ENPP4: variants seen among roughly 807,000 people sequenced by gnomAD.
ENPP4 encodes the protein ectonucleotide pyrophosphatase/phosphodiesterase 4.
In ENPP4, 18 loss-of-function variants were observed where a neutral mutation model predicts 33.4. The ratio of observed to expected loss-of-function variants is 0.54; its 90% CI spans 0.37 to 0.80. The LOEUF (loss-of-function observed/expected upper bound fraction) is 0.80, where lower values mean the gene tolerates loss of function less well. ENPP4 is among the 30% of genes least tolerant of loss of function. ENPP4 has a pLI of 0.00. For missense variants in ENPP4, 480 were observed against 541.7 expected (o/e 0.89, Z 1.13); for synonymous variants, 172 against 189.9 (o/e 0.91, Z 0.78).
rs766053811 is a variant in ENPP4 at position 46,139,663 on chromosome 6, A to G, written c.80A>G (p.Lys27Arg). The G allele has an allele frequency of 1.2e-6, 2 of 1,611,120 alleles. No homozygotes were observed. The highest frequency in any genetic ancestry group is 1.7e-6 in the Non-Finnish European group (2 of 1,178,056). The change falls in exon 2 of 4, where the codon AAG becomes AGG. Residue 27 changes from lysine to arginine, a missense_variant. Coordinates refer to ENST00000321037, the MANE Select transcript of ENPP4 (RefSeq NM_014936.5). ...RSDSSSSLPP[K>R]LLLVSFDGFR... ...GACTCTTCCTCTAGTTTGCCACCTA[A>G]GTTACTACTAGTATCCTTTGATGGC... is the stretch of plus-strand genomic sequence containing the variant.
At position 46,141,095 on chromosome 6, in the gene ENPP4, T is replaced by G. The variant is rs373012220; in HGVS notation, c.870T>G (p.His290Gln). 2.5e-6 allele frequency: 4 copies of G among 1,607,066 alleles called. No homozygotes were observed. The African/African-American group carries it at 5.4e-5, about 22-fold the overall frequency. ...ACAAACTGAAAAACTGTAGCCCTCA[T>G]ATGAATGTTTATCTCAAAGAAGACA... ...VYNKLKNCSPHMNVYLKEDIP... is the reference protein window; with the variant it reads ...VYNKLKNCSPQMNVYLKEDIP... The change falls in exon 3 of 4, where the codon CAT becomes CAG. Residue 290 changes from histidine to glutamine, a missense_variant. Around this residue, in one of 3 missense-constraint regions of ENPP4, gnomAD observed 249 missense variants for 251.8 expected, o/e 0.99. Transcript: ENST00000321037.
intron 1 of ENPP4, among the ~76,000 whole-genome samples, chr6:46,131,488 C>A (rs1235590622): frequency 6.6e-6 from 1 of 152,076 alleles, no homozygotes; most frequent in East Asian, 1.9e-4. Context: ...GACATGAACT[C>A]ATCATTTTTT....
In ENPP4 at chr6:46,143,395, A is replaced by G; in HGVS notation, c.1117A>G (p.Met373Val). The change falls in exon 4 of 4, where the codon ATG (methionine) becomes GTG (valine). Residue 373 changes from methionine to valine, a missense_variant. This residue lies in a region of ENPP4 where 249 missense variants were observed against 251.8 expected (regional missense o/e 0.99). Coordinates refer to ENST00000321037, the MANE Select transcript of ENPP4 (RefSeq NM_014936.5). ...STINIVDIYP[M>V]MCHILGLKPH... ...AATTAACATTGTGGATATTTATCCA[A>G]TGATGTGCCACATCCTGGGATTAAA... 2.5e-6 allele frequency: 4 copies of G among 1,612,788 alleles called. No individual in the cohort carries two copies. Among genetic ancestry groups the G allele is most frequent in the East Asian group, 2.2e-5 (1 of 44,852 alleles).
At chr6:46,139,191 G>GC (rs1764018801) in intron 1 of ENPP4, among the ~76,000 whole-genome samples, 1 of 151,674 alleles carries the variant, frequency 6.6e-6, no homozygotes, top group Non-Finnish European at 1.5e-5. Flanking sequence ...TGAAAGCTTG[G>GC]CATTAACGTT....
chr6:46,131,159 A>G (rs1167802348), intron 1 of ENPP4, among the ~76,000 whole-genome samples: 1 of 151,446 alleles, frequency 6.6e-6, no homozygotes, highest in Admixed American at 6.6e-5. Flanking sequence ...TTATTTATTT[A>G]TTAATTATTA....
rs1562061608 is a variant in ENPP4 at position 46,143,892 on chromosome 6, C to G, written c.*252C>G. The G allele has an allele frequency of 2.9e-6, 1 of 347,342 alleles. No homozygotes were observed. Among genetic ancestry groups the G allele is most frequent in the Non-Finnish European group, 5.2e-6 (1 of 191,324 alleles). 21.5% of individuals were successfully genotyped at this position (347,342 alleles called of 1,614,324 possible). Reference sequence around the variant, plus strand: ...GTGGTAGGAAATCATTAGGTAACATCAATCCTAACTAGAAATACTAAAAAT... The same window carrying G: ...GTGGTAGGAAATCATTAGGTAACATGAATCCTAACTAGAAATACTAAAAAT... On this transcript the variant is annotated 3_prime_UTR_variant, in exon 4 of 4. Transcript: ENST00000321037.
In ENPP4 at chr6:46,139,921, G is replaced by A. The variant is rs1234067007; in HGVS notation, c.338G>A (p.Trp113Ter). 1 of 1,612,812 alleles carries A rather than the reference G, an allele frequency of 6.2e-7. No homozygotes were observed. The part of the protein sequence containing the change: ...SDSNDKDPFW[W>*]NEAVPIWVTN... ...TCTAATGACAAGGATCCTTTTTGGT[G>A]GAATGAGGCAGTACCTATTTGGGTG... Residue 113 changes from tryptophan (W) to a stop codon, truncating the protein, a stop_gained, in exon 2 of 4, where the codon TGG becomes TAG. Transcript: ENST00000321037. LOFTEE classifies it high-confidence loss of function.
intron 1 of ENPP4, among the ~76,000 whole-genome samples, chr6:46,135,200 T>C (rs779554076): frequency 5.9e-5 from 9 of 152,092 alleles, no homozygotes; most frequent in Non-Finnish European, 1.0e-4. Context: ...ACATACCTAA[T>C]AGTAGAATTG....
intron 3 of ENPP4, 36 bp downstream of exon 3, chr6:46,141,258 A>G (rs1402506376): frequency 4.7e-6 from 7 of 1,496,992 alleles, no homozygotes; most frequent in Non-Finnish European, 6.5e-6. Flanking sequence ...GTTGTATCCT[A>G]GGAACAAATC....
Position 46,141,152 on chromosome 6 carries a change from T to C in ENPP4, c.927T>C (p.Asp309=). The C allele has an allele frequency of 1.2e-6, 2 of 1,609,038 alleles. No homozygotes were observed. The highest frequency in any genetic ancestry group is 1.7e-6 in the Non-Finnish European group (2 of 1,176,348). ...ACAGATTTTATTACCAACATAATGA[T>C]CGAATTCAGCCCATTATTTTGGTTG... ...IPNRFYYQHN[D]RIQPIILVAD... The change falls in exon 3 of 4, where the codon GAT becomes GAC. Residue 309 remains aspartate (D), a synonymous_variant. Transcript: ENST00000321037.
At chr6:46,136,654 G>C (rs13437614) in intron 1 of ENPP4, among the ~76,000 whole-genome samples, 14,693 of 151,922 alleles carry the variant, frequency 0.097, 835 homozygotes, top group East Asian at 0.16. Flanking sequence ...TTTTGTATAG[G>C]CAGGGGGGCC....
rs372302065 is a variant in ENPP4 at position 46,139,930 on chromosome 6, C to A, written c.347C>A (p.Ala116Glu). The A allele has an allele frequency of 7.4e-6, 12 of 1,612,784 alleles. No homozygotes were observed. Among genetic ancestry groups the A allele is most frequent in the Non-Finnish European group, 9.3e-6 (11 of 1,179,086 alleles). ...NDKDPFWWNEAVPIWVTNQLQ... is the reference protein window; with the variant it reads ...NDKDPFWWNEEVPIWVTNQLQ... ...AAGGATCCTTTTTGGTGGAATGAGG[C>A]AGTACCTATTTGGGTGACCAATCAG... Residue 116 changes from alanine to glutamate, a missense_variant, in exon 2 of 4, where the codon GCA (alanine) becomes GAA (glutamate). By Grantham distance (107) the Ala-to-Glu change is moderately radical (BLOSUM62 -1). Coordinates refer to ENST00000321037, the MANE Select transcript of ENPP4 (RefSeq NM_014936.5).
rs2127492669 is a variant in ENPP4, at chr6:46,140,048, C to T, written c.465C>T (p.Asn155=). The change falls in exon 2 of 4, where the codon AAC becomes AAT. Residue 155 remains asparagine (N), a synonymous_variant. Transcript: ENST00000321037. ...TCTCTTCCTATTTTATGAATTACAACTCCTCAGTGTCATTTGAGGAAAGAC... is the reference window on the plus strand; with the variant it reads ...TCTCTTCCTATTTTATGAATTACAATTCCTCAGTGTCATTTGAGGAAAGAC... ...DTISSYFMNY[N]SSVSFEERLN... is the part of the protein sequence containing the mutation. 1.9e-6 allele frequency: 3 copies of T among 1,612,036 alleles called. No homozygotes were observed. The highest frequency in any genetic ancestry group is 2.5e-6 in the Non-Finnish European group (3 of 1,178,434).
At chr6:46,132,251 A>T (rs1187424355) in intron 1 of ENPP4, among the ~76,000 whole-genome samples, 1 of 152,032 alleles carries the variant, frequency 6.6e-6, no homozygotes, top group Non-Finnish European at 1.5e-5. Context: ...CTGAATGGTA[A>T]TGCCTAGGTT....
At chr6:46,134,821 CT>C (rs1763955533) in intron 1 of ENPP4, among the ~76,000 whole-genome samples, 1 of 151,968 alleles carries the variant, frequency 6.6e-6, no homozygotes, top group African/African-American at 2.4e-5. Context: ...CAAAAATAAA[CT>C]TTATACTTAC....
In ENPP4 at chr6:46,141,150, G is replaced by T; in HGVS notation, c.925G>T (p.Asp309Tyr). 1 of 1,609,146 alleles carries T rather than the reference G, an allele frequency of 6.2e-7. No homozygotes were observed. The highest frequency in any genetic ancestry group is 1.3e-5 in the African/African-American group (1 of 74,664). ...IPNRFYYQHN[D>Y]RIQPIILVAD... Reference sequence around the variant, plus strand: ...TAACAGATTTTATTACCAACATAATGATCGAATTCAGCCCATTATTTTGGT... The same window carrying T: ...TAACAGATTTTATTACCAACATAATTATCGAATTCAGCCCATTATTTTGGT... Residue 309 changes from aspartate (D) to tyrosine (Y), a missense_variant, in exon 3 of 4, where the codon GAT becomes TAT. Physicochemically the swap from Asp to Tyr is radical, Grantham distance 160. Around this residue, in one of 3 missense-constraint regions of ENPP4, gnomAD observed 249 missense variants for 251.8 expected, o/e 0.99. Transcript: ENST00000321037.
intron 1 of ENPP4, among the ~76,000 whole-genome samples, chr6:46,134,766 TG>T (rs1763955063): frequency 6.6e-6 from 1 of 152,118 alleles, no homozygotes; most frequent in East Asian, 1.9e-4. Context: ...TTTATGGAGC[TG>T]TGCAACTGTC....
intron 1 of ENPP4, among the ~76,000 whole-genome samples, chr6:46,130,614 GTTAA>G (rs1763880880): frequency 6.6e-6 from 1 of 152,226 alleles, no homozygotes; most frequent in African/African-American, 2.4e-5. Context: ...TAGAGTTTAT[GTTAA>G]TTATAGATAA....
At chr6:46,134,561 A>G (rs1233672127) in intron 1 of ENPP4, among the ~76,000 whole-genome samples, 1 of 152,164 alleles carries the variant, frequency 6.6e-6, no homozygotes, top group Admixed American at 6.5e-5. Context: ...AAACTTTCAC[A>G]TTAAAACACT....
Sources: gnomAD v4.1 joint callset for allele counts (sites outside exome capture counted in the v4.1 genomes callset) on GRCh38, gnomAD v4.1.1 for gene constraint, gnomAD v4.1.1 regional missense constraint, MANE v1.5 for transcripts, NCBI Gene and HGNC (gene_info 2026-07-23, HGNC 2026-07-21) for gene names.